Variants in ANO7 observed in about 807,000 individuals in gnomAD.
ANO7 encodes anoctamin-7.
Under a neutral mutation model 115.8 loss-of-function variants are expected in ANO7, and 114 were observed. That is an observed-to-expected ratio of 0.98 (90% CI 0.85 to 1.15). The LOEUF (loss-of-function observed/expected upper bound fraction) is 1.15. Ranked by LOEUF, ANO7 falls within the 50% of genes most tolerant of loss-of-function variation. The pLI, the probability that ANO7 is intolerant of heterozygous loss-of-function variation, is 0.00. For missense variants in ANO7, 1,302 were observed against 1,201.2 expected, an observed-to-expected ratio of 1.08 and a Z score of -1.24; for synonymous variants, 550 against 498.2, an observed-to-expected ratio of 1.10 and a Z score of -1.38.
chr2:241,234,517 G>A, the ANO7 span, among the ~76,000 whole-genome samples: 1 of 152,166 alleles, frequency 6.6e-6, no homozygotes, highest in Admixed American at 6.5e-5. Flanking sequence ...CTCACGGGAG[G>A]AGTGGAAAGC....
intron 15 of ANO7, among the ~76,000 whole-genome samples, 172 bp downstream of exon 15, chr2:241,210,742 C>T (rs904084022): frequency 1.3e-5 from 2 of 152,298 alleles, no homozygotes; most frequent in African/African-American, 2.4e-5. Context: ...TGCACTGGCA[C>T]GATCATGGCT....
At chr2:241,230,704 C>A (rs1358487528), downstream of ANO7, 3 of 1,510,656 alleles carry the variant, frequency 2.0e-6, no homozygotes, top group African/African-American at 1.4e-5. The surrounding 1 kb of genome is among the most constrained non-coding windows in gnomAD (Gnocchi z 5.0). Context: ...TTCTGGCCAG[C>A]CAGGTGCCCC....
At chr2:241,216,386 G>C in intron 19 of ANO7, 148 bp downstream of exon 19, 1 of 1,125,296 alleles carries the variant, frequency 8.9e-7, no homozygotes, top group East Asian at 2.7e-5. Context: ...CAGAGGGTCG[G>C]GCCTGTGGAG....
chr2:241,212,910 A>C, intron 17 of ANO7: 1 of 435,330 alleles, frequency 2.3e-6, no homozygotes, highest in Non-Finnish European at 4.2e-6. Context: ...AGGGAGGAGG[A>C]TCGCTTAAGC....
At position 241,203,497 on chromosome 2, in the gene ANO7, C is replaced by T. The variant is rs767475977; in HGVS notation, c.888C>T (p.Leu296=). 40 of 1,499,096 alleles carry T rather than the reference C, an allele frequency of 2.7e-5. No individual in the cohort carries two copies. The highest frequency in any genetic ancestry group is 2.1e-4 in the East Asian group (8 of 38,438). The allele number at this position is 1,499,096 out of a possible 1,614,324, so 92.9% of individuals were successfully genotyped here. The part of the protein sequence containing the change: ...GEKVALYFAW[L]GFYTGWLLPA... ...AGGTGGCCCTCTACTTCGCCTGGCT[C>T]GGTGAGTCCCCCCCGCTGCCCCCCA... Residue 296 remains leucine, a splice_region_variant and synonymous_variant, in exon 9 of 25, where the codon CTC becomes CTT. Transcript: ENST00000674324. The surrounding 1 kb of genome is among the most constrained non-coding windows in gnomAD (Gnocchi z 4.8).
chr2:241,220,075 A>G lies in ANO7; in HGVS notation c.2321+1694A>G, dbSNP rs370077599. On this transcript the variant is annotated intron_variant, in intron 21 of 24. Transcript: ENST00000674324. ...AACATTTTCAGTCATCTGTTCATCA[A>G]ATTTATTTGTGTATTTTGTTAACTT... 3.3e-5 allele frequency among the ~76,000 whole-genome samples: 5 copies of G among 152,084 alleles called. No individual in the cohort carries two copies. In the South Asian group the frequency reaches 6.2e-4, roughly 19 times the overall value.
intron 2 of ANO7, 90 bp from the exon 3 acceptor site, chr2:241,191,104 G>T: frequency 6.9e-7 from 1 of 1,459,024 alleles, no homozygotes; most frequent in Admixed American, 1.7e-5. Flanking sequence ...GGTTGGAGGC[G>T]AGGACGGCTT....
At position 241,224,081 on chromosome 2, in the gene ANO7, C is replaced by G. The variant is rs1428682469; in HGVS notation, c.2584-16C>G. The G allele has an allele frequency of 1.2e-6, 2 of 1,614,062 alleles. No homozygotes were observed. Among genetic ancestry groups the G allele is most frequent in the Admixed American group, 1.7e-5 (1 of 60,012 alleles). ...GCCCTAGTCTGACTTGTCCCTGCCC[C>G]CAACCCTCTCCCCAGCTCAGCTCCC... On this transcript the variant is annotated splice_polypyrimidine_tract_variant and intron_variant, in intron 24 of 24. Coordinates refer to ENST00000674324, the MANE Select transcript of ANO7 (RefSeq NM_001370694.2).
rs2149082008 is a variant in ANO7 at position 241,188,823 on chromosome 2, A to G, written c.-8+57A>G. On this transcript the variant is annotated intron_variant, in intron 1 of 24. Transcript: ENST00000674324. This position sits in a 1 kb window ranked among gnomAD's most constrained non-coding sequence, Gnocchi z 4.3. The stretch of plus-strand genomic sequence containing the variant: ...GGGAGAAGGTGGAGCGTTGGACTCT[A>G]GGGAGGCAGGGCGGCACCCCAGCCC... The G allele has an allele frequency of 1.9e-6, 3 of 1,572,880 alleles. No individual in the cohort carries two copies. The African/African-American group carries it at 4.1e-5, about 21-fold the overall frequency.
chr2:241,204,299 G>A (rs1260227963), intron 9 of ANO7, among the ~76,000 whole-genome samples: 1 of 152,212 alleles, frequency 6.6e-6, no homozygotes, highest in Non-Finnish European at 1.5e-5. Context: ...CCAGCAGAGA[G>A]TCAGGCAGGA....
chr2:241,199,406 C>A lies in ANO7; in HGVS notation c.400C>A (p.Leu134Met). The change falls in exon 5 of 25, where the codon CTG (leucine) becomes ATG (methionine). Residue 134 changes from leucine (L) to methionine (M), a missense_variant. Physicochemically the swap from Leu to Met is conservative, Grantham distance 15. Coordinates refer to ENST00000674324, the MANE Select transcript of ANO7 (RefSeq NM_001370694.2). Reference sequence around the variant, plus strand: ...CTGCTACTACGCCGAAGACCTGCGCCTGAAGCTGCCCTTGCAGGTACGTGG... The same window carrying A: ...CTGCTACTACGCCGAAGACCTGCGCATGAAGCTGCCCTTGCAGGTACGTGG... ...VLCYYAEDLRLKLPLQELPNQ... is the reference protein window; with the variant it reads ...VLCYYAEDLRMKLPLQELPNQ... The A allele has an allele frequency of 6.2e-7, 1 of 1,613,834 alleles. No individual in the cohort carries two copies. Among genetic ancestry groups the A allele is most frequent in the South Asian group, 1.1e-5 (1 of 91,088 alleles).
the ANO7 span, chr2:241,236,599 GC>G: frequency 6.2e-7 from 1 of 1,612,880 alleles, no homozygotes; most frequent in African/African-American, 1.3e-5. Flanking sequence ...GTGGAGGGGG[GC>G]ACATGGACAC....
At chr2:241,240,140 A>C in the ANO7 span, 1 of 1,612,784 alleles carries the variant, frequency 6.2e-7, no homozygotes, top group Non-Finnish European at 8.5e-7. This position sits in a 1 kb window ranked among gnomAD's most constrained non-coding sequence, Gnocchi z 5.5. Context: ...AACCAATCCC[A>C]CTGTGTTAGC....
the ANO7 span, chr2:241,235,284 T>C: frequency 6.2e-7 from 1 of 1,613,766 alleles, no homozygotes; most frequent in Non-Finnish European, 8.5e-7. Context: ...GACTTGACGT[T>C]CAGGACCCCA....
In ANO7 at chr2:241,191,238, C is replaced by A. The variant is rs1016114046; in HGVS notation, c.153C>A (p.Ala51=). 1 of 1,613,832 alleles carries A rather than the reference C, an allele frequency of 6.2e-7. No individual in the cohort carries two copies. The highest frequency in any genetic ancestry group is 8.5e-7 in the Non-Finnish European group (1 of 1,179,942). The change falls in exon 3 of 25, where the codon GCC becomes GCA. Residue 51 remains alanine, a synonymous_variant. Coordinates refer to ENST00000674324, the MANE Select transcript of ANO7 (RefSeq NM_001370694.2). The stretch of plus-strand genomic sequence containing the variant: ...CCGCCTGCAGAGCTGGGAGTCCTGC[C>A]AAGCCCCGGATCGGTGAGCCCCTCC... ...QAAACRAGSP[A]KPRIADFVLV... is the part of the protein sequence containing the mutation.
chr2:241,214,395 G>A (rs530111786), intron 17 of ANO7, among the ~76,000 whole-genome samples: 15 of 152,182 alleles, frequency 9.9e-5, no homozygotes, highest in South Asian at 2.1e-4. Flanking sequence ...CGACACTCTC[G>A]GACTTAGCAC....
At chr2:241,219,730 G>A (rs2068962917) in intron 21 of ANO7, among the ~76,000 whole-genome samples, 2 of 91,314 alleles carry the variant, frequency 2.2e-5, no homozygotes, top group South Asian at 1.3e-3. Flanking sequence ...ACCAGGCCTG[G>A]CTTTTTTTTT....
Position 241,218,287 on chromosome 2 carries a change from C to T in ANO7, c.2227C>T (p.Arg743Trp), listed in dbSNP as rs771419399. Residue 743 changes from arginine (R) to tryptophan (W), a missense_variant, in exon 21 of 25, where the codon CGG becomes TGG. Coordinates refer to ENST00000674324, the MANE Select transcript of ANO7 (RefSeq NM_001370694.2). ...CGACTTCCTGCCGCGCGCCTACTAC[C>T]GGTGGACCCGCGCCCACGACCTGCG... is the stretch of plus-strand genomic sequence containing the variant. The part of the protein sequence containing the change: ...SSDFLPRAYY[R>W]WTRAHDLRGF... The T allele has an allele frequency of 2.3e-5, 36 of 1,535,656 alleles. No individual in the cohort carries two copies. In the Admixed American group the frequency reaches 4.5e-4, roughly 19 times the overall value.
rs527856189 is a variant in ANO7, at chr2:241,207,625, C to G, written c.1032C>G (p.Leu344=). 2 of 1,613,874 alleles carry G rather than the reference C, an allele frequency of 1.2e-6. No individual in the cohort carries two copies. Among genetic ancestry groups the G allele is most frequent in the South Asian group, 1.1e-5 (1 of 91,084 alleles). The change falls in exon 11 of 25, where the codon CTC becomes CTG. Residue 344 remains leucine, a synonymous_variant. Transcript: ENST00000674324. ...KDSFEMCPLC[L]DCPFWLLSSA... Reference sequence around the variant, plus strand: ...GCTTCGAGATGTGCCCACTTTGCCTCGACTGCCCTTTCTGGCTGCTCTCCA... The same window carrying G: ...GCTTCGAGATGTGCCCACTTTGCCTGGACTGCCCTTTCTGGCTGCTCTCCA...
Sources: allele counts gnomAD v4.1 joint callset (sites outside exome capture counted in the v4.1 genomes callset), GRCh38; gene constraint gnomAD v4.1.1; non-coding constraint Gnocchi (gnomAD v3.1); transcripts MANE v1.5; gene names NCBI Gene and HGNC (gene_info 2026-07-23, HGNC 2026-07-21).